Variants in PAPSS1 observed in about 807,000 individuals in gnomAD.
PAPSS1 encodes 3'-phosphoadenosine 5'-phosphosulfate synthase 1, also known as bifunctional 3'-phosphoadenosine 5'-phosphosulfate synthase 1.
PAPSS1 carries 50 observed loss-of-function variants against 72.0 expected under a neutral mutation model. That is an observed-to-expected ratio of 0.69 (90% CI 0.55 to 0.88). The LOEUF (loss-of-function observed/expected upper bound fraction) is 0.88. PAPSS1 is among the 40% of genes least tolerant of loss of function. PAPSS1 has a pLI of 0.00. For missense variants in PAPSS1, 657 were observed against 782.2 expected (o/e 0.84, Z 1.91); for synonymous variants, 261 against 263.6 (o/e 0.99, Z 0.09).
chr4:107,677,830 T>A (rs1279654296), intron 5 of PAPSS1, among the ~76,000 whole-genome samples: 1 of 152,204 alleles, frequency 6.6e-6, no homozygotes, highest in Non-Finnish European at 1.5e-5. Flanking sequence ...ATGTGGCACA[T>A]ATACACCGTG....
At chr4:107,649,976 G>GT (rs1419029482) in intron 9 of PAPSS1, among the ~76,000 whole-genome samples, 1 of 152,208 alleles carries the variant, frequency 6.6e-6, no homozygotes, top group Non-Finnish European at 1.5e-5. Context: ...AATCACCGAT[G>GT]TGTGTATTAA....
chr4:107,671,370 C>T (rs1389378143), intron 5 of PAPSS1, among the ~76,000 whole-genome samples: 3 of 150,858 alleles, frequency 2.0e-5, no homozygotes, highest in Admixed American at 2.0e-4. Flanking sequence ...AAATAGGGCC[C>T]CAAAGAAGTG....
At chr4:107,657,114 G>GT (rs1727035638) in intron 6 of PAPSS1, 107 bp from the exon 7 acceptor site, 2 of 732,750 alleles carry the variant, frequency 2.7e-6, no homozygotes, top group Non-Finnish European at 5.0e-6. Context: ...AACAAACAGT[G>GT]TAAGGATGAG....
At chr4:107,677,017 C>G (rs558702531) in intron 5 of PAPSS1, among the ~76,000 whole-genome samples, 2 of 152,266 alleles carry the variant, frequency 1.3e-5, no homozygotes, top group East Asian at 3.9e-4. Flanking sequence ...TTCCTTACAC[C>G]TTATACAAAA....
intron 1 of PAPSS1, among the ~76,000 whole-genome samples, chr4:107,714,194 T>A (rs1302377247): frequency 6.6e-6 from 1 of 152,200 alleles, no homozygotes; most frequent in African/African-American, 2.4e-5. Context: ...AAGAACCCTG[T>A]TAAATCGTTT....
At chr4:107,690,667 T>C (rs1722891577) in intron 3 of PAPSS1, among the ~76,000 whole-genome samples, 2 of 152,190 alleles carry the variant, frequency 1.3e-5, no homozygotes, top group South Asian at 4.1e-4. Context: ...ATCATGACTA[T>C]ACAGAAAAAT....
chr4:107,630,779 C>T (rs535221537), intron 11 of PAPSS1, among the ~76,000 whole-genome samples: 102 of 152,258 alleles, frequency 6.7e-4, no homozygotes, highest in African/African-American at 2.3e-3. Context: ...AGTCCTGTGA[C>T]CTTATACAAG....
chr4:107,625,874 C>T (rs919841600), intron 11 of PAPSS1, among the ~76,000 whole-genome samples: 10 of 152,056 alleles, frequency 6.6e-5, no homozygotes, highest in African/African-American at 2.4e-4. Context: ...ATGACACTAA[C>T]AGTACATTAT....
intron 11 of PAPSS1, among the ~76,000 whole-genome samples, chr4:107,626,970 T>C (rs1377797834): frequency 6.6e-6 from 1 of 152,200 alleles, no homozygotes; most frequent in African/African-American, 2.4e-5. Flanking sequence ...GCAACTAATA[T>C]AGAATTCATC....
At chr4:107,660,550 G>A (rs1727149969) in intron 5 of PAPSS1, among the ~76,000 whole-genome samples, 1 of 152,096 alleles carries the variant, frequency 6.6e-6, no homozygotes, top group Non-Finnish European at 1.5e-5. Flanking sequence ...CCACCACTGT[G>A]GTTTGAAAAT....
intron 1 of PAPSS1, among the ~76,000 whole-genome samples, chr4:107,706,575 T>C (rs971628573): frequency 1.3e-5 from 2 of 152,238 alleles, no homozygotes; most frequent in African/African-American, 4.8e-5. Flanking sequence ...CTTAAACAAT[T>C]ATTTTTTAAT....
At chr4:107,643,988 A>G (rs1346349018) in intron 10 of PAPSS1, among the ~76,000 whole-genome samples, 1 of 152,168 alleles carries the variant, frequency 6.6e-6, no homozygotes, top group Non-Finnish European at 1.5e-5. Flanking sequence ...GCACTCAAAC[A>G]TAGTATAGAG....
intron 4 of PAPSS1, 43 bp from the exon 5 acceptor site, chr4:107,682,176 T>C: frequency 2.0e-6 from 2 of 1,007,532 alleles, no homozygotes; most frequent in Non-Finnish European, 3.1e-6. Context: ...GAAAATAAAA[T>C]TAAAATAGTT....
At chr4:107,693,273 A>C (rs770984749) in intron 3 of PAPSS1, among the ~76,000 whole-genome samples, 1 of 152,192 alleles carries the variant, frequency 6.6e-6, no homozygotes, top group Non-Finnish European at 1.5e-5. Flanking sequence ...GGAAACAAAA[A>C]TCCTGAGATA....
chr4:107,691,227 T>C (rs1333435364), intron 3 of PAPSS1, among the ~76,000 whole-genome samples: 1 of 152,092 alleles, frequency 6.6e-6, no homozygotes, highest in Non-Finnish European at 1.5e-5. Context: ...GATACAGTAC[T>C]AGAATTGTGC....
At chr4:107,665,038 A>G (rs1727280061) in intron 5 of PAPSS1, among the ~76,000 whole-genome samples, 2 of 152,218 alleles carry the variant, frequency 1.3e-5, no homozygotes, top group Admixed American at 6.5e-5. Flanking sequence ...ATGCCAAAAT[A>G]AACATTCGAA....
intron 5 of PAPSS1, among the ~76,000 whole-genome samples, chr4:107,666,375 TA>T (rs1185317909): frequency 6.6e-6 from 1 of 152,022 alleles, no homozygotes; most frequent in Non-Finnish European, 1.5e-5. Flanking sequence ...TCTAGGAAAA[TA>T]AAAAAATCCT....
At chr4:107,702,552 T>G (rs536955833) in intron 1 of PAPSS1, among the ~76,000 whole-genome samples, 1 of 152,154 alleles carries the variant, frequency 6.6e-6, no homozygotes, top group Non-Finnish European at 1.5e-5. Context: ...CACCATTCAC[T>G]CTCTACTTCT....
Position 107,656,987 on chromosome 4 carries a change from C to T in PAPSS1, c.804G>A (p.Gln268=). The T allele has an allele frequency of 2.5e-6, 4 of 1,613,348 alleles. No individual in the cohort carries two copies. Among genetic ancestry groups the T allele is most frequent in the Non-Finnish European group, 3.4e-6 (4 of 1,179,308 alleles). Residue 268 remains glutamine (Q), a synonymous_variant, in exon 7 of 12, where the codon CAG becomes CAA. Coordinates refer to ENST00000265174, the MANE Select transcript of PAPSS1 (RefSeq NM_005443.5). ...GGGTTGCCCAACCTTCTGCCAAAAC[C>T]TGCACCCACTGCATATCCACCTAGT... ...KINKVDMQWV[Q]VLAEGWATPL...
Sources: allele counts gnomAD v4.1 joint callset (sites outside exome capture counted in the v4.1 genomes callset), GRCh38; gene constraint gnomAD v4.1.1; transcripts MANE v1.5; gene names NCBI Gene and HGNC (gene_info 2026-07-23, HGNC 2026-07-21).